TEC: variants seen among roughly 807,000 people sequenced by gnomAD.
The protein encoded by TEC is tyrosine-protein kinase Tec.
TEC carries 72 observed loss-of-function variants against 93.0 expected under a neutral mutation model. The observed-to-expected ratio is 0.77, with a 90% confidence interval of 0.64 to 0.94. TEC has a LOEUF of 0.94. TEC is among the 40% of genes least tolerant of loss of function. The probability of loss-of-function intolerance (pLI) is 0.00; values close to 1 mark genes in which losing one functional copy is unlikely to be tolerated. For missense variants in TEC, 630 were observed against 757.9 expected, an observed-to-expected ratio of 0.83 and a Z score of 1.98; for synonymous variants, 249 against 247.7, an observed-to-expected ratio of 1.01 and a Z score of -0.05.
At chr4:48,204,820 C>T (rs1466413783) in intron 2 of TEC, among the ~76,000 whole-genome samples, 1 of 152,178 alleles carries the variant, frequency 6.6e-6, no homozygotes, top group Non-Finnish European at 1.5e-5. Flanking sequence ...TGCTTGCTTG[C>T]TCACTGGCTG....
At chr4:48,162,722 C>T (rs926746976) in intron 8 of TEC, among the ~76,000 whole-genome samples, 3 of 152,174 alleles carry the variant, frequency 2.0e-5, no homozygotes, top group Non-Finnish European at 2.9e-5. Context: ...TTAAGGTACA[C>T]TTATGGTATA....
intron 1 of TEC, among the ~76,000 whole-genome samples, chr4:48,230,491 T>C (rs1723615430): frequency 6.6e-6 from 1 of 152,226 alleles, no homozygotes; most frequent in Non-Finnish European, 1.5e-5. Flanking sequence ...CAGAACATTA[T>C]GACCCCACAT....
rs114635816 is a variant in TEC, at chr4:48,217,156, C to T, written c.138+11321G>A. Among the ~76,000 whole-genome samples the T allele has an allele frequency of 6.8e-3, 1,035 of 151,812 alleles. 5 individuals are homozygous for T. Among genetic ancestry groups the T allele is most frequent in the African/African-American group, 0.024 (992 of 41,396 alleles). ...TCTTGCCCTGTCACCCAGGTGGGAG[C>T]GGAATGGCGTGATCTCAGCTCTCTG... On this transcript the variant is annotated intron_variant, in intron 2 of 17. Coordinates refer to ENST00000381501, the MANE Select transcript of TEC (RefSeq NM_003215.3).
At position 48,168,587 on chromosome 4, in the gene TEC, T is replaced by G; in HGVS notation, c.494A>C (p.Lys165Thr). ...KALPPAPETK[K>T]RRPPPPIPLE... ...TATCAAAAGCTAAAGACCACCTACC[T>G]TCTTTGTTTCTGGTGCTGGAGGTAG... The change falls in exon 6 of 18, where the codon AAG becomes ACG. Residue 165 changes from lysine to threonine, a missense_variant and splice_region_variant. By Grantham distance (78) the Lys-to-Thr change is moderately conservative. This residue lies in a region of TEC where 335 missense variants were observed against 351.5 expected (regional missense o/e 0.95). Coordinates refer to ENST00000381501, the MANE Select transcript of TEC (RefSeq NM_003215.3). 6.2e-7 allele frequency: 1 copy of G among 1,608,932 alleles called. No homozygotes were observed. The highest frequency in any genetic ancestry group is 1.1e-5 in the South Asian group (1 of 89,432).
intron 3 of TEC, 27 bp downstream of exon 3, chr4:48,176,055 C>T: frequency 6.4e-7 from 1 of 1,554,836 alleles, no homozygotes; most frequent in Non-Finnish European, 8.9e-7. Flanking sequence ...CCCAGCACTG[C>T]ACTGCCACAA....
chr4:48,160,770 A>AAAAG (rs1322564841), intron 8 of TEC, among the ~76,000 whole-genome samples: 1 of 142,284 alleles, frequency 7.0e-6, no homozygotes, highest in Non-Finnish European at 1.5e-5. Context: ...AGAAAAGAAA[A>AAAAG]AAAGAAAGAA....
chr4:48,200,513 T>TA (rs1411063096), intron 2 of TEC, among the ~76,000 whole-genome samples: 1 of 152,314 alleles, frequency 6.6e-6, no homozygotes, highest in East Asian at 1.9e-4. Context: ...AGGAGCCCAT[T>TA]AGGATGCGGC....
intron 14 of TEC, among the ~76,000 whole-genome samples, chr4:48,142,410 T>A (rs1162592985): frequency 6.6e-6 from 1 of 151,790 alleles, no homozygotes; most frequent in Non-Finnish European, 1.5e-5. Flanking sequence ...GAGGTGGAGG[T>A]TGCAGTGAGC....
chr4:48,176,207 G>C, intron 2 of TEC, 21 bp from the exon 3 acceptor site: 1 of 1,550,952 alleles, frequency 6.4e-7, no homozygotes, highest in Non-Finnish European at 8.9e-7. Flanking sequence ...AAAAAAAGGA[G>C]AAACATTAGA....
At chr4:48,161,264 C>G (rs112574322) in intron 8 of TEC, among the ~76,000 whole-genome samples, 12 of 152,244 alleles carry the variant, frequency 7.9e-5, no homozygotes, top group African/African-American at 2.4e-4. Context: ...TAATTCTGCC[C>G]TTCTAACTAT....
In TEC at chr4:48,145,534, A is replaced by G. The variant is rs201608922; in HGVS notation, c.1127T>C (p.Leu376Ser). 34 of 1,614,080 alleles carry G rather than the reference A, an allele frequency of 2.1e-5. No homozygotes were observed. Among genetic ancestry groups the G allele is most frequent in the Non-Finnish European group, 2.9e-5 (34 of 1,180,006 alleles). The change falls in exon 13 of 18, where the codon TTG becomes TCG. Residue 376 changes from leucine (L) to serine (S), a missense_variant. Transcript: ENST00000381501. ...NPSELTFMRE[L>S]GSGLFGVVRL... is the part of the protein sequence containing the mutation. ...CACCACTCCAAACAGTCCACTTCCC[A>G]ATTCCCTCATAAAGGTCAGTTCTGA...
intron 1 of TEC, among the ~76,000 whole-genome samples, chr4:48,241,542 C>A (rs1001169803): frequency 6.6e-6 from 1 of 152,172 alleles, no homozygotes; most frequent in African/African-American, 2.4e-5. Context: ...GAGTGAGAGA[C>A]CTTCAAATGA....
intron 2 of TEC, among the ~76,000 whole-genome samples, chr4:48,203,407 T>G (rs1346213835): frequency 2.0e-5 from 3 of 152,096 alleles, no homozygotes. Context: ...CAGCTCATGG[T>G]AGCACCAGTT....
intron 2 of TEC, among the ~76,000 whole-genome samples, chr4:48,208,076 C>G (rs1314180566): frequency 6.6e-6 from 1 of 152,172 alleles, no homozygotes; most frequent in East Asian, 1.9e-4. Flanking sequence ...CAGAACTTGG[C>G]TTCCCAGAGG....
At chr4:48,241,454 GA>G (rs1723920562) in intron 1 of TEC, among the ~76,000 whole-genome samples, 3 of 152,174 alleles carry the variant, frequency 2.0e-5, no homozygotes, top group African/African-American at 2.4e-5. Flanking sequence ...TGCAAGGAGA[GA>G]AATCACATAC....
rs757473831 is a variant in TEC, at chr4:48,171,326, C to G, written c.325+42G>C. The G allele has an allele frequency of 1.0e-5, 15 of 1,494,734 alleles. No individual in the cohort carries two copies. The East Asian group carries it at 3.4e-4, about 34-fold the overall frequency. The allele number at this position is 1,494,734 out of a possible 1,614,324, so 92.6% of individuals were successfully genotyped here. On this transcript the variant is annotated intron_variant, in intron 4 of 17. Coordinates refer to ENST00000381501, the MANE Select transcript of TEC (RefSeq NM_003215.3). ...TGTCTTAATGATAACAATATTACAT[C>G]TCCTAAAATTATATACAGAGTAATA...
chr4:48,147,534 T>C (rs1719966725), intron 11 of TEC, among the ~76,000 whole-genome samples: 1 of 152,214 alleles, frequency 6.6e-6, no homozygotes, highest in African/African-American at 2.4e-5. Flanking sequence ...GCAATTTTTT[T>C]CCTTAACATC....
intron 1 of TEC, among the ~76,000 whole-genome samples, chr4:48,268,768 C>G (rs1197324516): frequency 3.3e-5 from 5 of 152,274 alleles, no homozygotes; most frequent in African/African-American, 2.4e-5. Context: ...AAGGAATACG[C>G]GCAAAACTTA....
chr4:48,144,964 T>A, intron 14 of TEC, 115 bp downstream of exon 14: 3 of 854,010 alleles, frequency 3.5e-6, no homozygotes, highest in Non-Finnish European at 5.7e-6. Context: ...TTAAAAATAA[T>A]GGTGAAAGAT....
Sources: allele counts gnomAD v4.1 joint callset (sites outside exome capture counted in the v4.1 genomes callset), GRCh38; gene constraint gnomAD v4.1.1; regional missense constraint gnomAD v4.1.1; transcripts MANE v1.5; gene names NCBI Gene and HGNC (gene_info 2026-07-23, HGNC 2026-07-21).